The following ARFGEF1 variants were observed in gnomAD, a reference collection of about 807,000 sequenced individuals.
ARFGEF1 encodes ARF guanine nucleotide exchange factor 1.
ARFGEF1 carries 42 observed loss-of-function variants against 231.0 expected under a neutral mutation model. The ratio of observed to expected loss-of-function variants is 0.18; its 90% CI spans 0.14 to 0.24. The LOEUF (loss-of-function observed/expected upper bound fraction) is 0.24, where lower values mean the gene tolerates loss of function less well. ARFGEF1 is among the 10% of genes least tolerant of loss of function. The pLI is 1.00. For synonymous variants in ARFGEF1, 710 were observed against 732.3 expected (o/e 0.97, Z 0.49); for missense variants, 1,345 against 2,192.0 (o/e 0.61, Z 7.72).
At position 67,227,118 on chromosome 8, in the gene ARFGEF1, C is replaced by G; in HGVS notation, c.3916+19G>C. On this transcript the variant is annotated intron_variant, in intron 27 of 38. Transcript: ENST00000262215. ...TTTTTTTTTTCCTTTTACTTGAACA[C>G]AGCTAAGAGAATACTCACTGACAAT... 6.3e-7 allele frequency: 1 copy of G among 1,594,766 alleles called. No individual in the cohort carries two copies. Among genetic ancestry groups the G allele is most frequent in the Non-Finnish European group, 8.6e-7 (1 of 1,168,298 alleles).
intron 1 of ARFGEF1, among the ~76,000 whole-genome samples, chr8:67,319,986 C>T (rs552286776): frequency 1.3e-5 from 2 of 151,716 alleles, no homozygotes; most frequent in Non-Finnish European, 2.9e-5. Context: ...TTTGGGAGGC[C>T]GAGGCGGGTG....
At chr8:67,226,395 T>C (rs1372339992) in intron 27 of ARFGEF1, among the ~76,000 whole-genome samples, 1 of 152,080 alleles carries the variant, frequency 6.6e-6, no homozygotes, top group African/African-American at 2.4e-5. Context: ...GTTTACATTA[T>C]AAACATAGCA....
At chr8:67,289,549 C>CAAAAAAAAAAAA (rs552601455) in intron 6 of ARFGEF1, among the ~76,000 whole-genome samples, 10 of 44,838 alleles carry the variant, frequency 2.2e-4, no homozygotes, top group African/African-American at 4.3e-4. Flanking sequence ...ACTCTGTATC[C>CAAAAAAAAAAAA]AAAAAAAAAA....
At chr8:67,244,523 C>T (rs1482464564) in intron 19 of ARFGEF1, among the ~76,000 whole-genome samples, 2 of 149,050 alleles carry the variant, frequency 1.3e-5, no homozygotes, top group Non-Finnish European at 3.0e-5. Context: ...TGGTCTCAAA[C>T]TCCTGGGCTC....
At position 67,293,807 on chromosome 8, in the gene ARFGEF1, T is replaced by A. The variant is rs567300923; in HGVS notation, c.640-1684A>T. The stretch of plus-strand genomic sequence containing the variant: ...GTAGACATGTGGCTTCCGTCTTACA[T>A]TCAAGGGGTGGAAAGAAGGGAAGAA... On this transcript the variant is annotated intron_variant, in intron 5 of 38. Transcript: ENST00000262215. Among the ~76,000 whole-genome samples the A allele has an allele frequency of 5.3e-5, 8 of 152,210 alleles. No individual in the cohort carries two copies. The South Asian group carries it at 1.5e-3, about 28-fold the overall frequency.
At chr8:67,293,847 T>C (rs1255997756) in intron 5 of ARFGEF1, among the ~76,000 whole-genome samples, 2 of 152,118 alleles carry the variant, frequency 1.3e-5, no homozygotes, top group Non-Finnish European at 2.9e-5. Flanking sequence ...AATGCAGTGG[T>C]AGGAATTAGT....
Position 67,219,437 on chromosome 8 carries a change from CTGT to C in ARFGEF1, c.4329_4331del (p.Gln1444del). On this transcript the variant is annotated inframe_deletion, in exon 30 of 39. Transcript: ENST00000262215. ...AAATTGTGTATCCTCTTACCTCTGTCTGTTGTTCTGGCAATTTCATATTGTCAA... is the reference window on the plus strand; with the variant it reads ...AAATTGTGTATCCTCTTACCTCTGTCTGTTCTGGCAATTTCATATTGTCAA... The C allele has an allele frequency of 6.2e-7, 1 of 1,610,342 alleles. No homozygotes were observed. Among genetic ancestry groups the C allele is most frequent in the Non-Finnish European group, 8.5e-7 (1 of 1,178,728 alleles).
intron 1 of ARFGEF1, among the ~76,000 whole-genome samples, chr8:67,311,602 G>C (rs112900122): frequency 6.7e-6 from 1 of 148,838 alleles, no homozygotes; most frequent in Non-Finnish European, 1.5e-5. Flanking sequence ...CGCCTCGTCC[G>C]GGAGGGAGGT....
In ARFGEF1 at chr8:67,177,823, G is replaced by A. The variant is rs1275913051; in HGVS notation, c.561-2251C>T. On this transcript the variant is annotated intron_variant, in intron 5 of 5. Coordinates refer to the ARFGEF1 transcript ENST00000518789. ...GTAATTCAAATTTTGAATTATTCAG[G>A]AATATTGAATTAAGAACGTAAGTCT... is the stretch of plus-strand genomic sequence containing the variant. 38 of 856,728 alleles carry A rather than the reference G, an allele frequency of 4.4e-5. No homozygotes were observed. In the Admixed American group the frequency reaches 6.3e-4, roughly 14 times the overall value. The allele number at this position is 856,728 out of a possible 1,614,324, so 53.1% of individuals were successfully genotyped here. A position where few individuals can be genotyped will look rare whatever the true frequency, so the allele number is the denominator to read the frequency against.
chr8:67,268,707 G>GT (rs1483407265), intron 10 of ARFGEF1, among the ~76,000 whole-genome samples: 1 of 152,256 alleles, frequency 6.6e-6, no homozygotes, highest in Non-Finnish European at 1.5e-5. Flanking sequence ...CATCCCAGTG[G>GT]TAAGTAATTG....
intron 4 of ARFGEF1, 54 bp downstream of exon 4, chr8:67,299,155 T>C (rs1183154312): frequency 1.4e-6 from 2 of 1,428,812 alleles, no homozygotes; most frequent in East Asian, 5.1e-5. Context: ...GAAAGGCATC[T>C]GAATTTTGAA....
chr8:67,191,324 C>T (rs745833048), intron 5 of ARFGEF1, among the ~76,000 whole-genome samples: 6 of 152,166 alleles, frequency 3.9e-5, no homozygotes, highest in Non-Finnish European at 8.8e-5. Context: ...TTATATATGA[C>T]GTGAAGATGC....
Position 67,294,958 on chromosome 8 carries a change from T to C in ARFGEF1, c.639+1473A>G, listed in dbSNP as rs369316518. Among the ~76,000 whole-genome samples, 8 of 152,076 alleles carry C rather than the reference T, an allele frequency of 5.3e-5. No homozygotes were observed. In the East Asian group the frequency reaches 5.8e-4, roughly 11 times the overall value. On this transcript the variant is annotated intron_variant, in intron 5 of 38. Coordinates refer to ENST00000262215, the MANE Select transcript of ARFGEF1 (RefSeq NM_006421.5). ...AAATTCAAAATGAGCCTGGAAAATC[T>C]TGAGAATCCAGAAAGCATGGAAGTA...
At chr8:67,182,753 A>G (rs1360510067) in intron 5 of ARFGEF1, among the ~76,000 whole-genome samples, 2 of 152,190 alleles carry the variant, frequency 1.3e-5, no homozygotes, top group Non-Finnish European at 1.5e-5. Flanking sequence ...ACATCTTTAC[A>G]TGTGCTTATT....
At chr8:67,338,161 T>C (rs1179184663) in intron 1 of ARFGEF1, among the ~76,000 whole-genome samples, 1 of 152,188 alleles carries the variant, frequency 6.6e-6, no homozygotes, top group Non-Finnish European at 1.5e-5. Flanking sequence ...CAAACAGTCC[T>C]CTGATCTCGA....
Position 67,343,641 on chromosome 8 carries a change from TGAG to T in ARFGEF1, c.-357_-355del. ...GCCCGGGCGGCTGTCTGCCGGGAAC[TGAG>T]GGACGAGGTGGCGGCGGCTCTCAGA... is the stretch of plus-strand genomic sequence containing the variant. On this transcript the variant is annotated 5_prime_UTR_variant, in exon 1 of 39. Coordinates refer to ENST00000262215, the MANE Select transcript of ARFGEF1 (RefSeq NM_006421.5). The T allele has an allele frequency of 4.9e-6, 5 of 1,010,120 alleles. No homozygotes were observed. In the South Asian group the frequency reaches 2.1e-4, roughly 42 times the overall value. The allele number at this position is 1,010,120 out of a possible 1,614,324, so 62.6% of individuals were successfully genotyped here. A position where few individuals can be genotyped will look rare whatever the true frequency, so the allele number is the denominator to read the frequency against.
chr8:67,271,045 G>GAAAAAAAAAA (rs1563878469), intron 10 of ARFGEF1, among the ~76,000 whole-genome samples: 29 of 69,542 alleles, frequency 4.2e-4, no homozygotes, highest in South Asian at 9.8e-4. Flanking sequence ...AAAAAAAAAG[G>GAAAAAAAAAA]AAAAAGAAAA....
chr8:67,284,439 T>C (rs1403631462), intron 7 of ARFGEF1, among the ~76,000 whole-genome samples: 1 of 152,132 alleles, frequency 6.6e-6, no homozygotes, highest in Non-Finnish European at 1.5e-5. Context: ...ATTTTGACTT[T>C]GAATCATGTA....
rs1353949523 is a variant in ARFGEF1, at chr8:67,236,363, AAAATATATATATATATATATAT to A, written c.3289+1958_3289+1979del. Among the ~76,000 whole-genome samples the A allele has an allele frequency of 3.7e-3, 140 of 37,692 alleles. 1 individual carries two copies. The highest frequency in any genetic ancestry group is 0.011 in the Middle Eastern group (1 of 94). The allele number at this position is 37,692 out of a possible 152,430, so 24.7% of individuals were successfully genotyped here. ...AAGATATTAGTTAAAAAAAAAAAAA[AAAATATATATATATATATATAT>A]ATATATATATATATATATATATATA... On this transcript the variant is annotated intron_variant, in intron 22 of 38. Coordinates refer to ENST00000262215, the MANE Select transcript of ARFGEF1 (RefSeq NM_006421.5).
Sources: allele counts gnomAD v4.1 joint callset (sites outside exome capture counted in the v4.1 genomes callset), GRCh38; gene constraint gnomAD v4.1.1; transcripts MANE v1.5; gene names NCBI Gene and HGNC (gene_info 2026-07-23, HGNC 2026-07-21).